Variants in SLC2A13 observed in about 807,000 individuals in gnomAD.
SLC2A13 encodes proton myo-inositol cotransporter.
A neutral mutation model predicts 64.4 loss-of-function variants in SLC2A13; 32 were observed. The observed-to-expected ratio is 0.50, with a 90% CI of 0.37 to 0.67. The LOEUF (loss-of-function observed/expected upper bound fraction) is 0.67, where lower values mean the gene tolerates loss of function less well. Among genes scored for constraint, SLC2A13 ranks in the 30% least tolerant of loss-of-function variants. The pLI, the probability that SLC2A13 is intolerant of heterozygous loss-of-function variation, is 0.00. For missense variants in SLC2A13, 743 were observed against 829.2 expected (o/e 0.90, Z 1.28); for synonymous variants, 338 against 327.1 (o/e 1.03, Z -0.36).
At chr12:40,079,249 T>C (rs1472604186) in intron 1 of SLC2A13, among the ~76,000 whole-genome samples, 1 of 152,214 alleles carries the variant, frequency 6.6e-6, no homozygotes, top group Non-Finnish European at 1.5e-5. Context: ...GATGTAAGCA[T>C]TTAGCACTAT....
At chr12:39,782,590 T>C (rs930905959) in intron 7 of SLC2A13, among the ~76,000 whole-genome samples, 2 of 152,098 alleles carry the variant, frequency 1.3e-5, no homozygotes, top group Non-Finnish European at 2.9e-5. Flanking sequence ...AATGGACTAA[T>C]ACAGTAAATT....
At chr12:39,925,035 T>A (rs1171628884) in intron 4 of SLC2A13, among the ~76,000 whole-genome samples, 1 of 75,578 alleles carries the variant, frequency 1.3e-5, no homozygotes, top group Admixed American at 1.1e-4. Flanking sequence ...AGATAATTTT[T>A]TTTTTTTTTT....
rs140926007 is a variant in SLC2A13, at chr12:39,931,562, G to A, written c.1034+19695C>T. Among the ~76,000 whole-genome samples, 477 of 152,302 alleles carry A rather than the reference G, an allele frequency of 3.1e-3. 2 individuals carry two copies. Among genetic ancestry groups the A allele is most frequent in the African/African-American group, 0.011 (466 of 41,550 alleles). On this transcript the variant is annotated intron_variant, in intron 4 of 9. Transcript: ENST00000280871. Reference sequence around the variant, plus strand: ...GAGAAAATACACTGTAAATCTTAGAGTTGTAACTTGGGAGGTTCTATGATA... The same window carrying A: ...GAGAAAATACACTGTAAATCTTAGAATTGTAACTTGGGAGGTTCTATGATA...
At chr12:39,899,548 T>C (rs1163135182) in intron 4 of SLC2A13, among the ~76,000 whole-genome samples, 1 of 152,062 alleles carries the variant, frequency 6.6e-6, no homozygotes, top group East Asian at 1.9e-4. Flanking sequence ...GCTCTTGCTT[T>C]TCTAGTTCTT....
At position 39,945,734 on chromosome 12, in the gene SLC2A13, T is replaced by C. The variant is rs547531514; in HGVS notation, c.1034+5523A>G. 2.6e-5 allele frequency among the ~76,000 whole-genome samples: 4 copies of C among 152,274 alleles called. No individual in the cohort carries two copies. The South Asian group carries it at 8.3e-4, about 32-fold the overall frequency. ...TTTTTCTTTAAGCTATCTATTCCCATGAATATTTCTCCCTTCACTTCTTGT... is the reference window on the plus strand; with the variant it reads ...TTTTTCTTTAAGCTATCTATTCCCACGAATATTTCTCCCTTCACTTCTTGT... On this transcript the variant is annotated intron_variant, in intron 4 of 9. Transcript: ENST00000280871.
Position 39,764,518 on chromosome 12 carries a change from A to C in SLC2A13, c.1662T>G (p.Ile554Met). ...ATGTTAGTGAAACCAGGACATTGAAAATCCAGTTTATTCCAGATGAACATG... is the reference window on the plus strand; with the variant it reads ...ATGTTAGTGAAACCAGGACATTGAACATCCAGTTTATTCCAGATGAACATG... ...GNACSSGINW[I>M]FNVLVSLTFL... The change falls in exon 9 of 10, where the codon ATT becomes ATG. Residue 554 changes from isoleucine (I) to methionine (M), a missense_variant. Ile to Met is a conservative substitution (Grantham distance 10). Coordinates refer to ENST00000280871, the MANE Select transcript of SLC2A13 (RefSeq NM_052885.4). 1 of 1,611,314 alleles carries C rather than the reference A, an allele frequency of 6.2e-7. No individual in the cohort carries two copies. The highest frequency in any genetic ancestry group is 8.5e-7 in the Non-Finnish European group (1 of 1,179,052).
intron 1 of SLC2A13, among the ~76,000 whole-genome samples, chr12:40,082,735 G>A (rs1938452992): frequency 1.3e-5 from 2 of 152,322 alleles, no homozygotes; most frequent in South Asian, 2.1e-4. Context: ...CATGCAAGCT[G>A]GAGTTCTGTC....
intron 4 of SLC2A13, among the ~76,000 whole-genome samples, chr12:39,896,702 A>G (rs1217796684): frequency 6.6e-6 from 1 of 151,982 alleles, no homozygotes; most frequent in African/African-American, 2.4e-5. Flanking sequence ...CTGCAATTTA[A>G]GACTTCAAGT....
chr12:39,944,710 C>T (rs1946106873), intron 4 of SLC2A13, among the ~76,000 whole-genome samples: 1 of 152,142 alleles, frequency 6.6e-6, no homozygotes. Context: ...ATTTTCTACC[C>T]CTTTAAGTTT....
intron 9 of SLC2A13, among the ~76,000 whole-genome samples, chr12:39,762,349 A>AATCTT (rs1566757255): frequency 6.6e-6 from 1 of 152,090 alleles, no homozygotes; most frequent in African/African-American, 2.4e-5. Flanking sequence ...TAAGGATTTA[A>AATCTT]ATCTTATTAG....
chr12:40,036,027 ACT>A (rs1947978474), intron 2 of SLC2A13, among the ~76,000 whole-genome samples: 1 of 152,034 alleles, frequency 6.6e-6, no homozygotes, highest in Non-Finnish European at 1.5e-5. Flanking sequence ...TTCCCCCCAA[ACT>A]CTGAGAATCA....
intron 4 of SLC2A13, among the ~76,000 whole-genome samples, chr12:39,879,664 G>C (rs1944292796): frequency 6.6e-6 from 1 of 152,118 alleles, no homozygotes; most frequent in Admixed American, 6.5e-5. Flanking sequence ...TATACCCCCA[G>C]TGTATCTTGG....
intron 5 of SLC2A13, among the ~76,000 whole-genome samples, 179 bp downstream of exon 5, chr12:39,871,619 C>T (rs1049936147): frequency 2.6e-5 from 4 of 151,858 alleles, no homozygotes; most frequent in Admixed American, 6.6e-5. Context: ...AGTCACGTAG[C>T]GTAACAGTTG....
chr12:39,904,913 G>A (rs1945225785), intron 4 of SLC2A13, among the ~76,000 whole-genome samples: 1 of 152,014 alleles, frequency 6.6e-6, no homozygotes, highest in South Asian at 2.1e-4. Context: ...CCTTGAACAT[G>A]GTACATGCAC....
intron 3 of SLC2A13, among the ~76,000 whole-genome samples, chr12:39,965,981 T>C (rs1175007683): frequency 6.6e-6 from 1 of 152,014 alleles, no homozygotes; most frequent in Non-Finnish European, 1.5e-5. Context: ...GCTAGCATAA[T>C]ACTACACCTA....
chr12:39,835,475 T>C (rs1942980637), intron 6 of SLC2A13, among the ~76,000 whole-genome samples: 2 of 152,100 alleles, frequency 1.3e-5, no homozygotes, highest in African/African-American at 4.8e-5. Context: ...TATGAAGATA[T>C]TTACATAAGG....
chr12:39,999,395 G>T (rs1001171402), intron 3 of SLC2A13, among the ~76,000 whole-genome samples: 3 of 152,126 alleles, frequency 2.0e-5, no homozygotes, highest in Non-Finnish European at 4.4e-5. Flanking sequence ...TCTTAGCAAG[G>T]AATATTAATA....
At chr12:39,811,921 C>G (rs1322429822) in intron 7 of SLC2A13, among the ~76,000 whole-genome samples, 1 of 152,082 alleles carries the variant, frequency 6.6e-6, no homozygotes, top group African/African-American at 2.4e-5. Context: ...ATTGGAGTTT[C>G]TAAACAATTT....
intron 2 of SLC2A13, among the ~76,000 whole-genome samples, chr12:40,040,065 G>GA (rs1373394697): frequency 6.6e-6 from 1 of 152,014 alleles, no homozygotes; most frequent in East Asian, 1.9e-4. Context: ...CATTTTCCTG[G>GA]AAAAAAATCA....
Sources: gnomAD v4.1 joint callset for allele counts (sites outside exome capture counted in the v4.1 genomes callset) on GRCh38, gnomAD v4.1.1 for gene constraint, MANE v1.5 for transcripts, NCBI Gene and HGNC (gene_info 2026-07-23, HGNC 2026-07-21) for gene names.